Variants in MAP4K3 observed in about 807,000 individuals in gnomAD.
The protein encoded by MAP4K3 is MAPK/ERK kinase kinase kinase 3.
A neutral mutation model predicts 143.5 loss-of-function variants in MAP4K3; 94 were observed. That is an observed-to-expected ratio of 0.65 (90% CI 0.55 to 0.78). The LOEUF is 0.78. Among genes scored for constraint, MAP4K3 ranks in the 30% least tolerant of loss-of-function variants. The pLI, the probability that MAP4K3 is intolerant of heterozygous loss-of-function variation, is 0.00. For missense variants in MAP4K3, 1,077 were observed against 1,068.1 expected (o/e 1.01, Z -0.12); for synonymous variants, 416 against 347.2 (o/e 1.20, Z -2.20).
intron 12 of MAP4K3, among the ~76,000 whole-genome samples, chr2:39,315,721 G>C (rs904306780): frequency 2.0e-5 from 3 of 152,096 alleles, no homozygotes; most frequent in Non-Finnish European, 2.9e-5. Context: ...CTACAAGGAT[G>C]AATCAAGTAC....
intron 27 of MAP4K3, among the ~76,000 whole-genome samples, chr2:39,266,440 C>G (rs1177467888): frequency 1.3e-5 from 2 of 152,342 alleles, no homozygotes; most frequent in Non-Finnish European, 2.9e-5. Context: ...ACTCTCCTTT[C>G]TATCATCTGT....
chr2:39,424,594 T>C (rs978155791), intron 1 of MAP4K3, among the ~76,000 whole-genome samples: 1 of 150,664 alleles, frequency 6.6e-6, no homozygotes, highest in Non-Finnish European at 1.5e-5. Flanking sequence ...CTTTAGGAGG[T>C]TGAGGTGGGA....
chr2:39,349,376 A>T (rs1011072661), intron 3 of MAP4K3, among the ~76,000 whole-genome samples: 1 of 152,170 alleles, frequency 6.6e-6, no homozygotes, highest in Admixed American at 6.5e-5. Flanking sequence ...AGGATGCTGT[A>T]CTCAGGGGGA....
chr2:39,329,275 A>G (rs1683607809), intron 8 of MAP4K3, among the ~76,000 whole-genome samples: 1 of 152,240 alleles, frequency 6.6e-6, no homozygotes, highest in Non-Finnish European at 1.5e-5. Flanking sequence ...TAAAAATGAC[A>G]GCAATTCAAG....
At chr2:39,436,832 C>G (rs1665501652) in intron 1 of MAP4K3, 60 bp downstream of exon 1, 8 of 1,474,858 alleles carry the variant, frequency 5.4e-6, no homozygotes, top group Non-Finnish European at 7.5e-6. Flanking sequence ...GCTCGGACGC[C>G]CAGGCTTGGC....
chr2:39,369,195 T>TTTTTTGTTTG lies in MAP4K3; in HGVS notation c.154+8870_154+8871insCAAACAAAAA, dbSNP rs1553419599. Among the ~76,000 whole-genome samples, 75 of 89,058 alleles carry TTTTTTGTTTG rather than the reference T, an allele frequency of 8.4e-4. 4 individuals are homozygous for TTTTTTGTTTG. The South Asian group carries it at 0.029, about 35-fold the overall frequency. 58.4% of individuals were successfully genotyped at this position (89,058 alleles called of 152,430 possible). A position where few individuals can be genotyped will look rare whatever the true frequency, so the allele number is the denominator to read the frequency against. ...GTAAAATCTAAACCTTTGGGCTAGT[T>TTTTTTGTTTG]TTTTTTTTTGTTTTTTTTGAGATGC... On this transcript the variant is annotated intron_variant, in intron 2 of 33. Transcript: ENST00000263881.
rs776791881 is a variant in MAP4K3 at position 39,333,560 on chromosome 2, T to C, written c.429A>G (p.Leu143=). The change falls in exon 7 of 34, where the codon CTA becomes CTG. Residue 143 remains leucine, a synonymous_variant. Coordinates refer to ENST00000263881, the MANE Select transcript of MAP4K3 (RefSeq NM_003618.4). ...MHRDIKGANI[L]LTDNGHVKLA... ...ATTTCACATGACCATTATCCGTTAA[T>C]AGAATGTTAGCTCCCTTCAAAGTAA... 7.5e-6 allele frequency: 12 copies of C among 1,604,854 alleles called. No homozygotes were observed. In the African/African-American group the frequency reaches 9.4e-5, roughly 13 times the overall value.
chr2:39,376,488 A>G (rs918353802), intron 2 of MAP4K3, among the ~76,000 whole-genome samples: 5 of 152,246 alleles, frequency 3.3e-5, no homozygotes, highest in Non-Finnish European at 5.9e-5. Context: ...TGAACAGAAA[A>G]TAATTGACTT....
chr2:39,267,284 G>A (rs906183308), intron 26 of MAP4K3, 37 bp from the exon 27 acceptor site: 22 of 1,497,478 alleles, frequency 1.5e-5, no homozygotes, highest in Non-Finnish European at 2.0e-5. Context: ...AATATATGTA[G>A]GCAAACTTAG....
chr2:39,378,146 A>T, intron 1 of MAP4K3, 23 bp from the exon 2 acceptor site: 1 of 1,416,822 alleles, frequency 7.1e-7, no homozygotes, highest in Non-Finnish European at 9.8e-7. Context: ...GGAAAAAAGG[A>T]TTATTGTGAA....
intron 3 of MAP4K3, among the ~76,000 whole-genome samples, chr2:39,344,359 C>T (rs958526945): frequency 6.6e-6 from 1 of 152,132 alleles, no homozygotes; most frequent in Non-Finnish European, 1.5e-5. Flanking sequence ...TTTAAAATGG[C>T]TGGGAATGGT....
At chr2:39,319,512 A>G (rs565682694) in intron 12 of MAP4K3, among the ~76,000 whole-genome samples, 1 of 152,252 alleles carries the variant, frequency 6.6e-6, no homozygotes, top group South Asian at 2.1e-4. Context: ...TATACTTGAG[A>G]GTCCTGGAAC....
Position 39,325,894 on chromosome 2 carries a change from C to A in MAP4K3, c.725+5G>T. ...CATAAAAGTAAATAACATAAAAATA[C>A]TTACCATTTCATTTTATCCTTTAGT... On this transcript the variant is annotated splice_donor_5th_base_variant and intron_variant, in intron 10 of 33. Transcript: ENST00000263881. The A allele has an allele frequency of 6.4e-7, 1 of 1,573,212 alleles. No homozygotes were observed. Among genetic ancestry groups the A allele is most frequent in the Non-Finnish European group, 8.7e-7 (1 of 1,149,412 alleles).
At chr2:39,260,967 A>C in intron 28 of MAP4K3, 190 bp from the exon 29 acceptor site, 1 of 508,346 alleles carries the variant, frequency 2.0e-6, no homozygotes, top group South Asian at 2.6e-5. Context: ...AATATTTTAA[A>C]GTTATAATTA....
At chr2:39,349,711 G>C (rs1056558610) in intron 3 of MAP4K3, among the ~76,000 whole-genome samples, 5 of 151,294 alleles carry the variant, frequency 3.3e-5, no homozygotes, top group African/African-American at 1.2e-4. Flanking sequence ...GGAAGAGGTG[G>C]AGGAAGCGAA....
chr2:39,383,232 G>C (rs1269672921), intron 1 of MAP4K3, among the ~76,000 whole-genome samples: 1 of 152,140 alleles, frequency 6.6e-6, no homozygotes, highest in Non-Finnish European at 1.5e-5. Context: ...CAATTCCGCA[G>C]GGTTGGGAAG....
intron 12 of MAP4K3, among the ~76,000 whole-genome samples, chr2:39,319,011 G>C (rs767385624): frequency 6.6e-6 from 1 of 152,118 alleles, no homozygotes. Context: ...TGGGATTAAA[G>C]GGTGTTAACT....
chr2:39,257,187 A>G (rs1278262270), intron 31 of MAP4K3, among the ~76,000 whole-genome samples: 3 of 152,332 alleles, frequency 2.0e-5, no homozygotes, highest in Middle Eastern at 3.4e-3. Flanking sequence ...GAACACCAGA[A>G]AAAGTGTGCC....
intron 2 of MAP4K3, among the ~76,000 whole-genome samples, chr2:39,373,172 A>G (rs896789099): frequency 3.3e-5 from 5 of 152,248 alleles, no homozygotes; most frequent in African/African-American, 1.2e-4. Flanking sequence ...AATGGCAAAC[A>G]GGTATATGAA....
Sources: gnomAD v4.1 joint callset for allele counts (sites outside exome capture counted in the v4.1 genomes callset) on GRCh38, gnomAD v4.1.1 for gene constraint, MANE v1.5 for transcripts, NCBI Gene and HGNC (gene_info 2026-07-23, HGNC 2026-07-21) for gene names.